Variants in PATJ observed in about 807,000 individuals in gnomAD.
The protein encoded by PATJ is inaD-like protein.
A neutral mutation model predicts 224.9 loss-of-function variants in PATJ; 190 were observed. The ratio of observed to expected loss-of-function variants is 0.84; its 90% CI spans 0.75 to 0.95. PATJ has a LOEUF of 0.95. Among genes scored for constraint, PATJ ranks in the 40% least tolerant of loss-of-function variants. The pLI is 0.00. For missense variants in PATJ, 2,121 were observed against 2,270.3 expected (o/e 0.93, Z 1.34); for synonymous variants, 769 against 820.3 (o/e 0.94, Z 1.07).
intron 29 of PATJ, among the ~76,000 whole-genome samples, chr1:62,027,465 T>C (rs954297233): frequency 1.3e-5 from 2 of 152,214 alleles, no homozygotes; most frequent in Non-Finnish European, 2.9e-5. Flanking sequence ...CTTTCAATTC[T>C]TTTGGATATA....
At chr1:61,891,521 C>T (rs1211317099) in intron 22 of PATJ, among the ~76,000 whole-genome samples, 1 of 152,112 alleles carries the variant, frequency 6.6e-6, no homozygotes, top group South Asian at 2.1e-4. Context: ...GCCTCGAGCA[C>T]GTGACACTTC....
rs753796005 is a variant in PATJ at position 62,079,570 on chromosome 1, A to T, written c.4243+3A>T. On this transcript the variant is annotated splice_donor_region_variant and intron_variant, in intron 32 of 43. Coordinates refer to ENST00000642238, the MANE Select transcript of PATJ (RefSeq NM_001350145.3). The stretch of plus-strand genomic sequence containing the variant: ...AGATGCAGACTTCACAGGCTATGGT[A>T]TGATTCTTTCTCTCAGCAGATCTGG... The T allele has an allele frequency of 1.9e-6, 3 of 1,563,824 alleles. No homozygotes were observed. Among genetic ancestry groups the T allele is most frequent in the Middle Eastern group, 1.7e-4 (1 of 5,988 alleles).
chr1:62,010,843 A>G (rs1646405569), intron 28 of PATJ, among the ~76,000 whole-genome samples: 1 of 152,210 alleles, frequency 6.6e-6, no homozygotes, highest in Non-Finnish European at 1.5e-5. Context: ...TTATTGTTTA[A>G]TGTAACCATC....
intron 32 of PATJ, among the ~76,000 whole-genome samples, chr1:62,081,247 A>C (rs1301527976): frequency 6.6e-6 from 1 of 152,214 alleles, no homozygotes; most frequent in Admixed American, 6.5e-5. Context: ...CCTGGTTTTC[A>C]TTCTCATGGT....
intron 28 of PATJ, among the ~76,000 whole-genome samples, chr1:61,997,093 C>T (rs1278303547): frequency 1.1e-5 from 1 of 94,328 alleles, no homozygotes; most frequent in East Asian, 2.2e-4. Context: ...ATCAAGTGTT[C>T]GATTGTAGCT....
intron 33 of PATJ, among the ~76,000 whole-genome samples, chr1:62,104,078 C>G (rs950485541): frequency 6.9e-6 from 1 of 145,836 alleles, no homozygotes; most frequent in African/African-American, 2.5e-5. Context: ...TATTTGTAGG[C>G]TGGAGTCACT....
intron 27 of PATJ, among the ~76,000 whole-genome samples, chr1:61,976,079 C>T (rs1358627294): frequency 6.6e-6 from 1 of 151,982 alleles, no homozygotes; most frequent in Non-Finnish European, 1.5e-5. Context: ...GTGCTGCAGC[C>T]ATGCTTCCTA....
Position 62,098,358 on chromosome 1 carries a change from C to CAAAA in PATJ, c.4378-10071_4378-10068dup, listed in dbSNP as rs57285107. On this transcript the variant is annotated intron_variant, in intron 33 of 43. Coordinates refer to ENST00000642238, the MANE Select transcript of PATJ (RefSeq NM_001350145.3). ...TGGGTGACAGAGGGAGACTCCATCT[C>CAAAA]AAAAAAAAAAAGAAAAAAGAAAAAA... Among the ~76,000 whole-genome samples the CAAAA allele has an allele frequency of 2.4e-5, 3 of 123,450 alleles. 1 individual carries two copies. The highest frequency in any genetic ancestry group is 5.0e-5 in the Non-Finnish European group (3 of 59,574). 81.0% of individuals were successfully genotyped at this position (123,450 alleles called of 152,430 possible).
At chr1:62,061,925 C>G (rs1655537097) in intron 31 of PATJ, among the ~76,000 whole-genome samples, 1 of 152,176 alleles carries the variant, frequency 6.6e-6, no homozygotes, top group Admixed American at 6.5e-5. Flanking sequence ...TCCCAAAGTG[C>G]TGGGATTACA....
intron 35 of PATJ, 56 bp downstream of exon 35, chr1:62,114,302 C>G: frequency 1.4e-6 from 2 of 1,392,190 alleles, no homozygotes; most frequent in Non-Finnish European, 1.0e-6. Flanking sequence ...GCTCTGATGC[C>G]TGTGAACACT....
chr1:62,134,935 C>G (rs1281465039), intron 41 of PATJ, among the ~76,000 whole-genome samples: 2 of 152,092 alleles, frequency 1.3e-5, no homozygotes, highest in East Asian at 3.9e-4. Flanking sequence ...AGACGGATGG[C>G]TTACCCAGGG....
intron 41 of PATJ, among the ~76,000 whole-genome samples, chr1:62,133,308 G>A (rs7535875): frequency 0.72 from 109,897 of 152,038 alleles, 39,915 homozygotes; most frequent in East Asian, 0.79. Flanking sequence ...ATGGCCAGGC[G>A]TGGTGGCTCA....
Position 62,128,852 on chromosome 1 carries a change from G to T in PATJ, c.5178G>T (p.Arg1726=). 1 of 1,610,290 alleles carries T rather than the reference G, an allele frequency of 6.2e-7. No homozygotes were observed. The highest frequency in any genetic ancestry group is 8.5e-7 in the Non-Finnish European group (1 of 1,176,610). ...ARTQKLKVGD[R]IVSINGQPLD... Reference sequence around the variant, plus strand: ...TTTTGTACTTCCAGGTTGGAGATCGGATTGTCAGCATTAACGGGCAACCTT... The same window carrying T: ...TTTTGTACTTCCAGGTTGGAGATCGTATTGTCAGCATTAACGGGCAACCTT... The change falls in exon 41 of 44, where the codon CGG becomes CGT. Residue 1726 remains arginine, a synonymous_variant. Coordinates refer to ENST00000642238, the MANE Select transcript of PATJ (RefSeq NM_001350145.3).
At position 61,791,406 on chromosome 1, in the gene PATJ, T is replaced by C; in HGVS notation, c.1127T>C (p.Leu376Pro). Residue 376 changes from leucine (L) to proline (P), a missense_variant, in exon 9 of 44, where the codon CTT (leucine) becomes CCT (proline). Leu to Pro is a moderately conservative substitution (Grantham distance 98, BLOSUM62 -3). Transcript: ENST00000642238. The stretch of plus-strand genomic sequence containing the variant: ...CTTGTGAGAAAAGATGGGCAGAGTC[T>C]TGGAATTAGAATTGTTGGCTATGTT... ...VELVRKDGQS[L>P]GIRIVGYVGT... 1 of 1,611,960 alleles carries C rather than the reference T, an allele frequency of 6.2e-7. No homozygotes were observed. Among genetic ancestry groups the C allele is most frequent in the Non-Finnish European group, 8.5e-7 (1 of 1,178,186 alleles).
chr1:62,047,318 G>A (rs538137024), intron 30 of PATJ, among the ~76,000 whole-genome samples: 4 of 152,130 alleles, frequency 2.6e-5, no homozygotes, highest in Admixed American at 6.5e-5. Context: ...GTGCAGTGGC[G>A]TGATATCGGC....
intron 41 of PATJ, among the ~76,000 whole-genome samples, chr1:62,139,971 G>T (rs971116018): frequency 9.7e-4 from 148 of 152,094 alleles, no homozygotes; most frequent in African/African-American, 3.3e-3. Context: ...TGTTGCTCAG[G>T]GTGGTCTCGA....
At position 61,991,446 on chromosome 1, in the gene PATJ, G is replaced by C. The variant is rs963926438; in HGVS notation, c.3867+1082G>C. ...GTTAGACTGCTTACTTGAAATGAAG[G>C]CTTACTGATTTTGCATTTTACGATT... On this transcript the variant is annotated intron_variant, in intron 28 of 43. Transcript: ENST00000642238. 4.2e-6 allele frequency: 4 copies of C among 958,992 alleles called. No homozygotes were observed. The African/African-American group carries it at 5.3e-5, about 13-fold the overall frequency. The allele number at this position is 958,992 out of a possible 1,614,324, so 59.4% of individuals were successfully genotyped here.
intron 20 of PATJ, among the ~76,000 whole-genome samples, chr1:61,870,988 G>A (rs1666249499): frequency 6.6e-6 from 1 of 150,608 alleles, no homozygotes; most frequent in South Asian, 2.1e-4. Context: ...ATCCTTTCAT[G>A]TGCTTATTTG....
At chr1:61,785,793 G>A (rs1410295793) in intron 7 of PATJ, among the ~76,000 whole-genome samples, 1 of 152,080 alleles carries the variant, frequency 6.6e-6, no homozygotes, top group Non-Finnish European at 1.5e-5. Flanking sequence ...TTTACCTTCT[G>A]TGTATGAAAT....
Sources: gnomAD v4.1 joint callset for allele counts (sites outside exome capture counted in the v4.1 genomes callset) on GRCh38, gnomAD v4.1.1 for gene constraint, MANE v1.5 for transcripts, NCBI Gene and HGNC (gene_info 2026-07-23, HGNC 2026-07-21) for gene names.